DOCK7: variants seen among roughly 807,000 people sequenced by gnomAD.
The protein encoded by DOCK7 is dedicator of cytokinesis protein 7.
DOCK7 carries 138 observed loss-of-function variants against 271.0 expected under a neutral mutation model. The observed-to-expected ratio is 0.51, with a 90% CI of 0.44 to 0.59. DOCK7 has a LOEUF of 0.59. Ranked by LOEUF, DOCK7 falls within the 20% of genes least tolerant of loss-of-function variation. The probability of loss-of-function intolerance (pLI) is 0.00; values close to 1 mark genes in which losing one functional copy is unlikely to be tolerated. For missense variants in DOCK7, 2,066 were observed against 2,592.4 expected, an observed-to-expected ratio of 0.80 and a Z score of 4.41; for synonymous variants, 823 against 876.1, an observed-to-expected ratio of 0.94 and a Z score of 1.07.
intron 41 of DOCK7, among the ~76,000 whole-genome samples, chr1:62,491,383 A>G (rs1013268310): frequency 1.3e-5 from 2 of 152,254 alleles, no homozygotes; most frequent in African/African-American, 4.8e-5. Context: ...CATTTAGCAG[A>G]AAAGTCAGAG....
intron 14 of DOCK7, among the ~76,000 whole-genome samples, chr1:62,614,951 T>C (rs1402968823): frequency 6.6e-6 from 1 of 151,898 alleles, no homozygotes; most frequent in South Asian, 2.1e-4. Flanking sequence ...TCGTCACATG[T>C]CATTTAGCTT....
intron 25 of DOCK7, among the ~76,000 whole-genome samples, chr1:62,540,179 T>G (rs2149394613): frequency 6.6e-6 from 1 of 152,042 alleles, no homozygotes; most frequent in Middle Eastern, 3.4e-3. Context: ...ATTTTTTTTT[T>G]TTTTCCAATA....
intron 4 of DOCK7, among the ~76,000 whole-genome samples, chr1:62,652,236 T>A (rs1240994448): frequency 6.6e-6 from 1 of 152,196 alleles, no homozygotes; most frequent in East Asian, 1.9e-4. Flanking sequence ...AGCTTTTGCA[T>A]GTATCTTCTC....
Position 62,473,976 on chromosome 1 carries a change from G to A in DOCK7, c.6212+6C>T. 1.2e-6 allele frequency: 2 copies of A among 1,610,296 alleles called. No homozygotes were observed. ...TGAAGATCTTTACGCAGAAAGCCTT[G>A]AATACCTTTTAGTAAAATCTTTAAA... On this transcript the variant is annotated splice_donor_region_variant and intron_variant, in intron 48 of 49. Coordinates refer to ENST00000635253, the MANE Select transcript of DOCK7 (RefSeq NM_001367561.1).
intron 37 of DOCK7, among the ~76,000 whole-genome samples, chr1:62,497,131 A>G (rs1646646333): frequency 6.6e-6 from 1 of 152,150 alleles, no homozygotes; most frequent in Admixed American, 6.5e-5. Context: ...TATTTAAATT[A>G]CTTTCACCTT....
At chr1:62,585,949 T>C (rs984485802) in intron 15 of DOCK7, among the ~76,000 whole-genome samples, 1 of 152,146 alleles carries the variant, frequency 6.6e-6, no homozygotes, top group East Asian at 1.9e-4. Flanking sequence ...GCACTGGTAG[T>C]TTGAAAAGCT....
chr1:62,574,514 A>C (rs752683492), intron 18 of DOCK7, among the ~76,000 whole-genome samples: 3 of 152,202 alleles, frequency 2.0e-5, no homozygotes, highest in Non-Finnish European at 2.9e-5. Context: ...TAATAGAAGA[A>C]GACTTGATGG....
chr1:62,660,112 A>AAT (rs1348290758), intron 2 of DOCK7, among the ~76,000 whole-genome samples: 1 of 152,214 alleles, frequency 6.6e-6, no homozygotes, highest in African/African-American at 2.4e-5. Context: ...ATGACAACAG[A>AAT]ATATACATTC....
chr1:62,539,885 C>G lies in DOCK7; in HGVS notation c.3053G>C (p.Ser1018Thr). The change falls in exon 26 of 50, where the codon AGC (serine) becomes ACC (threonine). Residue 1018 changes from serine (S) to threonine (T), a missense_variant. Around this residue, in one of 2 missense-constraint regions of DOCK7, gnomAD observed 1,414 missense variants for 1,670.4 expected, o/e 0.85. Transcript: ENST00000635253. ...ATTAAAGTATAAATGGTGCACCATG[C>G]TCTTTACCTGAAAAAAAGATATAAA... ...AWFFFELMVK[S>T]MVHHLYFNDK... 4.4e-6 allele frequency: 7 copies of G among 1,585,362 alleles called. No homozygotes were observed. The highest frequency in any genetic ancestry group is 6.0e-6 in the Non-Finnish European group (7 of 1,169,678).
chr1:62,657,313 A>G (rs1658140132), intron 2 of DOCK7, among the ~76,000 whole-genome samples: 1 of 152,160 alleles, frequency 6.6e-6, no homozygotes, highest in Non-Finnish European at 1.5e-5. Context: ...AGTAAGTAAC[A>G]AGGAGTCCTT....
intron 1 of DOCK7, among the ~76,000 whole-genome samples, chr1:62,672,994 C>T (rs552253273): frequency 8.2e-4 from 125 of 152,050 alleles, no homozygotes; most frequent in Admixed American, 2.3e-3. Context: ...GAATGACTAC[C>T]ACCATTGTTA....
At chr1:62,596,473 A>C (rs1281285291) in intron 14 of DOCK7, among the ~76,000 whole-genome samples, 2 of 152,132 alleles carry the variant, frequency 1.3e-5, no homozygotes, top group East Asian at 3.9e-4. Flanking sequence ...TTTTAACACT[A>C]AGTTGGAAGC....
intron 18 of DOCK7, among the ~76,000 whole-genome samples, chr1:62,570,155 A>G (rs1646723664): frequency 6.6e-6 from 1 of 152,242 alleles, no homozygotes; most frequent in Admixed American, 6.5e-5. Flanking sequence ...AGAAAAACCC[A>G]CTGTCTCAGC....
chr1:62,593,782 TCTAA>T (rs1040921035), intron 14 of DOCK7, among the ~76,000 whole-genome samples: 5 of 152,152 alleles, frequency 3.3e-5, no homozygotes, highest in African/African-American at 7.2e-5. Flanking sequence ...GGTGAGTGGT[TCTAA>T]CTGAGATATG....
chr1:62,496,511 A>AT lies in DOCK7; in HGVS notation c.4765-15dup. On this transcript the variant is annotated splice_polypyrimidine_tract_variant and intron_variant, in intron 37 of 49. Transcript: ENST00000635253. ...CCTGGCAAAGTTCTGTAACAGAGAA[A>AT]TTGTCCAGTCAATACTTAATATAGA... 1 of 1,608,840 alleles carries AT rather than the reference A, an allele frequency of 6.2e-7. No homozygotes were observed. Among genetic ancestry groups the AT allele is most frequent in the Non-Finnish European group, 8.5e-7 (1 of 1,178,174 alleles).
intron 35 of DOCK7, 65 bp from the exon 36 acceptor site, chr1:62,505,881 G>A: frequency 6.7e-7 from 1 of 1,503,156 alleles, no homozygotes. Context: ...GATGTTACAG[G>A]CCTCCCTATG....
intron 40 of DOCK7, among the ~76,000 whole-genome samples, chr1:62,493,191 A>G: frequency 6.6e-6 from 1 of 152,178 alleles, no homozygotes; most frequent in East Asian, 1.9e-4. Context: ...CTCTCTGTAA[A>G]GGAAAAAGGG....
At position 62,556,531 on chromosome 1, in the gene DOCK7, A is replaced by C. The variant is rs536642909; in HGVS notation, c.2432-542T>G. ...TAAAATGATTAGAAGGAAAAAAAAA[A>C]AAAGAGGGGGCTAGAAAAACAGGTT... is the stretch of plus-strand genomic sequence containing the variant. On this transcript the variant is annotated intron_variant, in intron 20 of 49. Transcript: ENST00000635253. Among the ~76,000 whole-genome samples the C allele has an allele frequency of 2.2e-3, 333 of 152,054 alleles. 2 individuals are homozygous for C. Among genetic ancestry groups the C allele is most frequent in the African/African-American group, 7.7e-3 (318 of 41,526 alleles).
Position 62,489,002 on chromosome 1 carries a change from G to C in DOCK7, c.5425C>G (p.Arg1809Gly). The C allele has an allele frequency of 6.2e-7, 1 of 1,612,798 alleles. No individual in the cohort carries two copies. Among genetic ancestry groups the C allele is most frequent in the Non-Finnish European group, 8.5e-7 (1 of 1,179,322 alleles). ...KVLIPIHEAN[R>G]DAKKLSTIHG... Reference sequence around the variant, plus strand: ...ATTGTGGATAGTTTCTTTGCATCCCGATTAGCTTCATGAATAGGAATAAGT... The same window carrying C: ...ATTGTGGATAGTTTCTTTGCATCCCCATTAGCTTCATGAATAGGAATAAGT... The change falls in exon 42 of 50, where the codon CGG (arginine) becomes GGG (glycine). Residue 1809 changes from arginine to glycine, a missense_variant. Transcript: ENST00000635253.
Sources: gnomAD v4.1 joint callset for allele counts (sites outside exome capture counted in the v4.1 genomes callset) on GRCh38, gnomAD v4.1.1 for gene constraint, gnomAD v4.1.1 regional missense constraint, MANE v1.5 for transcripts, NCBI Gene and HGNC (gene_info 2026-07-23, HGNC 2026-07-21) for gene names.